Variants in GPHN observed in about 807,000 individuals in gnomAD.
The protein encoded by GPHN is gephyrin.
A neutral mutation model predicts 95.5 loss-of-function variants in GPHN; 17 were observed. The ratio of observed to expected loss-of-function variants is 0.18; its 90% CI spans 0.12 to 0.27. GPHN has a LOEUF of 0.27. Among genes scored for constraint, GPHN ranks in the 10% least tolerant of loss-of-function variants. The pLI is 1.00. For synonymous variants in GPHN, 320 were observed against 322.5 expected (o/e 0.99, Z 0.08); for missense variants, 660 against 978.1 (o/e 0.67, Z 4.34).
At chr14:66,738,874 T>C (rs2072530962) in intron 2 of GPHN, among the ~76,000 whole-genome samples, 2 of 152,160 alleles carry the variant, frequency 1.3e-5, no homozygotes, top group South Asian at 4.1e-4. Flanking sequence ...TGAAATCATT[T>C]TAATACTGTA....
At chr14:66,745,135 T>C (rs1166447053) in intron 2 of GPHN, among the ~76,000 whole-genome samples, 1 of 152,132 alleles carries the variant, frequency 6.6e-6, no homozygotes, top group Non-Finnish European at 1.5e-5. Flanking sequence ...TTTGCTGCTA[T>C]TGTTATACTT....
chr14:67,048,179 T>C (rs990829688), intron 10 of GPHN, among the ~76,000 whole-genome samples: 3 of 152,226 alleles, frequency 2.0e-5, no homozygotes, highest in African/African-American at 7.2e-5. Flanking sequence ...TTCTACATCA[T>C]AGATAGTGTC....
chr14:67,359,652 A>G, the GPHN span: 1 of 1,614,064 alleles, frequency 6.2e-7, no homozygotes, highest in South Asian at 1.1e-5. Context: ...CCATTCCTTT[A>G]CTTACATTCG....
the GPHN span, among the ~76,000 whole-genome samples, chr14:67,545,207 G>A: frequency 6.6e-6 from 1 of 152,274 alleles, no homozygotes; most frequent in East Asian, 1.9e-4. Flanking sequence ...TAGTGACTCG[G>A]AGGTTTCATA....
intron 9 of GPHN, among the ~76,000 whole-genome samples, chr14:67,016,473 T>C (rs2073320968): frequency 6.6e-6 from 1 of 152,076 alleles, no homozygotes; most frequent in South Asian, 2.1e-4. Context: ...CTGTGATTTG[T>C]TGCCTGAGCT....
At chr14:67,352,238 T>C in the GPHN span, among the ~76,000 whole-genome samples, 1 of 151,900 alleles carries the variant, frequency 6.6e-6, no homozygotes. Flanking sequence ...GAGGCCAAGA[T>C]AGAAAGACTG....
chr14:66,703,209 G>A (rs2068727009), intron 2 of GPHN, among the ~76,000 whole-genome samples: 1 of 152,128 alleles, frequency 6.6e-6, no homozygotes, highest in African/African-American at 2.4e-5. Flanking sequence ...ACAGAAAGAA[G>A]CTGGAAAACA....
At chr14:66,796,743 C>A (rs749504438) in intron 3 of GPHN, among the ~76,000 whole-genome samples, 3 of 151,856 alleles carry the variant, frequency 2.0e-5, no homozygotes, top group Non-Finnish European at 4.4e-5. Context: ...CGATGGGTAG[C>A]TTGCAAATAT....
chr14:66,673,253 C>T (rs1032015200), intron 1 of GPHN, among the ~76,000 whole-genome samples: 24 of 152,088 alleles, frequency 1.6e-4, no homozygotes, highest in Non-Finnish European at 2.6e-4. Context: ...CCACCACGCC[C>T]GGGTAATTTT....
At chr14:66,866,592 C>T (rs1204105490) in intron 4 of GPHN, among the ~76,000 whole-genome samples, 1 of 152,134 alleles carries the variant, frequency 6.6e-6, no homozygotes, top group Admixed American at 6.6e-5. Context: ...CGAGTGTTCA[C>T]TGCTATGTAC....
intron 4 of GPHN, among the ~76,000 whole-genome samples, chr14:66,845,621 G>C (rs1368627873): frequency 6.6e-6 from 1 of 152,156 alleles, no homozygotes; most frequent in Non-Finnish European, 1.5e-5. Context: ...AGATGACTAA[G>C]ATGAGGGAAC....
At chr14:66,873,330 G>T (rs1264402294) in intron 4 of GPHN, among the ~76,000 whole-genome samples, 1 of 152,168 alleles carries the variant, frequency 6.6e-6, no homozygotes, top group Non-Finnish European at 1.5e-5. Context: ...GCACAAAACT[G>T]GGAGGCCATT....
chr14:67,090,287 A>G (rs971815164), intron 12 of GPHN, among the ~76,000 whole-genome samples: 2 of 152,026 alleles, frequency 1.3e-5, no homozygotes, highest in Non-Finnish European at 1.5e-5. Context: ...CAGGTTGGGC[A>G]TCCCTAATTC....
chr14:66,834,796 T>C (rs1428871137), intron 4 of GPHN, among the ~76,000 whole-genome samples: 81 of 147,568 alleles, frequency 5.5e-4, no homozygotes, highest in African/African-American at 2.0e-3. Flanking sequence ...GATTCCCTCT[T>C]TTTCTATTGA....
intron 1 of GPHN, among the ~76,000 whole-genome samples, chr14:66,520,704 T>TG (rs1340589103): frequency 6.6e-6 from 1 of 151,818 alleles, no homozygotes; most frequent in Non-Finnish European, 1.5e-5. Flanking sequence ...ATATTTTCTT[T>TG]TTTTTTTTAA....
intron 3 of GPHN, among the ~76,000 whole-genome samples, chr14:66,783,747 G>A (rs575113102): frequency 1.6e-4 from 24 of 152,262 alleles, no homozygotes; most frequent in Admixed American, 5.2e-4. Context: ...TCACCAGAAA[G>A]GTCTCAGCAG....
intron 9 of GPHN, among the ~76,000 whole-genome samples, chr14:66,994,363 C>CA (rs200004073): frequency 6.7e-5 from 10 of 149,190 alleles, no homozygotes; most frequent in South Asian, 2.1e-4. Context: ...AAAACTGTCT[C>CA]AAAAAAAAGA....
chr14:67,394,516 C>T, the GPHN span, among the ~76,000 whole-genome samples: 1 of 152,296 alleles, frequency 6.6e-6, no homozygotes, highest in Admixed American at 6.5e-5. Flanking sequence ...ACCCACCTGC[C>T]TACCCACCTT....
At chr14:66,687,020 T>C (rs2067414591) in intron 2 of GPHN, among the ~76,000 whole-genome samples, 1 of 152,226 alleles carries the variant, frequency 6.6e-6, no homozygotes, top group South Asian at 2.1e-4. Context: ...ATGTGGTTTT[T>C]GTCTTTGGTT....
Sources: allele counts gnomAD v4.1 joint callset (sites outside exome capture counted in the v4.1 genomes callset), GRCh38; gene constraint gnomAD v4.1.1; transcripts MANE v1.5; gene names NCBI Gene and HGNC (gene_info 2026-07-23, HGNC 2026-07-21).